The following RYR2 variants were observed in gnomAD, a reference collection of about 807,000 sequenced individuals.
The protein encoded by RYR2 is ryanodine receptor 2, also known as cardiac muscle ryanodine receptor-calcium release channel.
A neutral mutation model predicts 601.1 loss-of-function variants in RYR2; 227 were observed. The observed-to-expected ratio is 0.38, with a 90% CI of 0.34 to 0.42. The LOEUF (loss-of-function observed/expected upper bound fraction) is 0.42. Ranked by LOEUF, RYR2 falls within the 10% of genes least tolerant of loss-of-function variation. The probability of loss-of-function intolerance (pLI) is 1.00; values close to 1 mark genes in which losing one functional copy is unlikely to be tolerated. For synonymous variants in RYR2, 2,223 were observed against 2,175.1 expected (o/e 1.02, Z -0.61); for missense variants, 4,646 against 6,156.5 (o/e 0.75, Z 8.21).
At chr1:237,196,450 CTT>C (rs1680578996) in intron 1 of RYR2, among the ~76,000 whole-genome samples, 1 of 152,086 alleles carries the variant, frequency 6.6e-6, no homozygotes, top group Non-Finnish European at 1.5e-5. Flanking sequence ...TCTTCTATGT[CTT>C]TGAAAATTTT....
At chr1:237,449,421 A>T (rs1279435116) in intron 14 of RYR2, among the ~76,000 whole-genome samples, 4 of 152,102 alleles carry the variant, frequency 2.6e-5, no homozygotes, top group Admixed American at 2.0e-4. Flanking sequence ...CTTCCCTCCC[A>T]GTTTTCGCAC....
intron 1 of RYR2, among the ~76,000 whole-genome samples, chr1:237,119,280 C>T (rs1026908237): frequency 6.6e-6 from 1 of 152,216 alleles, no homozygotes; most frequent in African/African-American, 2.4e-5. Context: ...AGAAACCACT[C>T]CTGCCAACAC....
At chr1:237,197,715 G>A (rs1164369299) in intron 1 of RYR2, among the ~76,000 whole-genome samples, 1 of 152,190 alleles carries the variant, frequency 6.6e-6, no homozygotes, top group Admixed American at 6.5e-5. Context: ...CTGCAGTGGA[G>A]GGAATAGGAA....
chr1:237,748,879 G>C (rs1692302721), intron 80 of RYR2, among the ~76,000 whole-genome samples: 1 of 152,124 alleles, frequency 6.6e-6, no homozygotes, highest in Non-Finnish European at 1.5e-5. Flanking sequence ...CCTTGTCACT[G>C]TTCCCTAAAC....
chr1:237,113,187 ATTTTATTTTTAT>A (rs532244369), intron 1 of RYR2, among the ~76,000 whole-genome samples: 77 of 151,118 alleles, frequency 5.1e-4, no homozygotes, highest in African/African-American at 1.6e-3. Context: ...TATTTATTTT[ATTTTATTTTTAT>A]TTTTATTTTT....
chr1:237,464,294 T>C (rs1430130054), intron 16 of RYR2, among the ~76,000 whole-genome samples: 1 of 152,184 alleles, frequency 6.6e-6, no homozygotes, highest in African/African-American at 2.4e-5. Flanking sequence ...TATTGTCGTC[T>C]ATTTTTTCTC....
intron 78 of RYR2, among the ~76,000 whole-genome samples, chr1:237,732,914 A>G (rs573357307): frequency 6.6e-6 from 1 of 152,270 alleles, no homozygotes; most frequent in South Asian, 2.1e-4. Context: ...AAAAACTCAT[A>G]TCCACATGAA....
chr1:237,508,812 G>A (rs562851350), intron 23 of RYR2, among the ~76,000 whole-genome samples: 31 of 139,310 alleles, frequency 2.2e-4, no homozygotes, highest in Admixed American at 1.9e-3. Context: ...GCGGGATCTC[G>A]GCTCACTGCA....
intron 29 of RYR2, among the ~76,000 whole-genome samples, chr1:237,572,827 C>T (rs1013932386): frequency 1.3e-5 from 2 of 152,180 alleles, no homozygotes; most frequent in African/African-American, 4.8e-5. Context: ...TTTTTGAATG[C>T]TTTTTGGTAC....
At chr1:237,617,582 T>G in intron 38 of RYR2, 96 bp downstream of exon 38, 2 of 1,146,206 alleles carry the variant, frequency 1.7e-6, no homozygotes, top group Non-Finnish European at 2.5e-6. Context: ...ACGTCTTGTT[T>G]TCCTTGTTCT....
chr1:237,757,802 A>G (rs1040395720), intron 82 of RYR2, 26 bp downstream of exon 82: 2 of 1,435,554 alleles, frequency 1.4e-6, no homozygotes, highest in Admixed American at 3.4e-5. Context: ...CATTCATATA[A>G]TGTACTTTTC....
intron 85 of RYR2, 126 bp from the exon 86 acceptor site, chr1:237,771,886 T>A (rs1459079190): frequency 3.2e-6 from 2 of 620,638 alleles, no homozygotes; most frequent in Non-Finnish European, 5.8e-6. Flanking sequence ...AGTAAAACTA[T>A]TAGATAAAAA....
At chr1:237,717,635 T>C (rs1689372639) in intron 72 of RYR2, among the ~76,000 whole-genome samples, 1 of 151,944 alleles carries the variant, frequency 6.6e-6, no homozygotes, top group Admixed American at 6.6e-5. Flanking sequence ...GTGAAAAAAA[T>C]GGATTTCATA....
chr1:237,731,226 T>C (rs760131865), intron 77 of RYR2, among the ~76,000 whole-genome samples: 5 of 152,120 alleles, frequency 3.3e-5, no homozygotes, highest in Non-Finnish European at 7.4e-5. Context: ...ACACCATTCA[T>C]GTACAGAGAA....
At position 237,631,893 on chromosome 1, in the gene RYR2, G is replaced by A. The variant is rs548150828; in HGVS notation, c.6555+352G>A. 0.016 allele frequency among the ~76,000 whole-genome samples: 2,434 copies of A among 151,468 alleles called. 106 individuals carry two copies. The East Asian group carries it at 0.18, about 11-fold the overall frequency. ...TCCGCCCGCCTTGGCCTCCCCTCCC[G>A]AAGTGCTGGGATTACAGGCGTGAGC... On this transcript the variant is annotated intron_variant, in intron 42 of 104. Coordinates refer to ENST00000366574, the MANE Select transcript of RYR2 (RefSeq NM_001035.3).
At chr1:237,269,299 T>C (rs1172963616) in intron 1 of RYR2, among the ~76,000 whole-genome samples, 1 of 151,592 alleles carries the variant, frequency 6.6e-6, no homozygotes, top group Non-Finnish European at 1.5e-5. Context: ...TGCCTCGGCC[T>C]CCCAAAGTGC....
At chr1:237,505,195 C>T (rs1665089725) in intron 22 of RYR2, among the ~76,000 whole-genome samples, 1 of 152,134 alleles carries the variant, frequency 6.6e-6, no homozygotes, top group African/African-American at 2.4e-5. Context: ...TTAATAGATA[C>T]CATATTACTT....
chr1:237,389,844 C>T (rs1702235554), intron 10 of RYR2, among the ~76,000 whole-genome samples: 1 of 151,992 alleles, frequency 6.6e-6, no homozygotes, highest in Non-Finnish European at 1.5e-5. Flanking sequence ...GGTGCAAATT[C>T]TAAGTGTAAG....
chr1:237,511,521 C>G (rs1304310259), intron 23 of RYR2, among the ~76,000 whole-genome samples, 167 bp from the exon 24 acceptor site: 1 of 152,038 alleles, frequency 6.6e-6, no homozygotes, highest in East Asian at 1.9e-4. Flanking sequence ...TTACCAGTGA[C>G]CTCAGATACT....
Sources: gnomAD v4.1 joint callset for allele counts (sites outside exome capture counted in the v4.1 genomes callset) on GRCh38, gnomAD v4.1.1 for gene constraint, MANE v1.5 for transcripts, NCBI Gene and HGNC (gene_info 2026-07-23, HGNC 2026-07-21) for gene names.